RABGAP1L: variants seen among roughly 807,000 people sequenced by gnomAD.
RABGAP1L encodes the protein RAB GTPase activating protein 1 like, also known as rab GTPase-activating protein 1-like.
RABGAP1L carries 63 observed loss-of-function variants against 137.7 expected under a neutral mutation model. The observed-to-expected ratio is 0.46, with a 90% CI of 0.37 to 0.56. RABGAP1L has a LOEUF of 0.56. Among genes scored for constraint, RABGAP1L ranks in the 20% least tolerant of loss-of-function variants. RABGAP1L has a pLI of 0.00. For synonymous variants in RABGAP1L, 431 were observed against 433.7 expected, an observed-to-expected ratio of 0.99 and a Z score of 0.08; for missense variants, 1,095 against 1,244.0, an observed-to-expected ratio of 0.88 and a Z score of 1.80.
intron 12 of RABGAP1L, among the ~76,000 whole-genome samples, chr1:174,385,197 G>A (rs1686655241): frequency 6.6e-6 from 1 of 152,314 alleles, no homozygotes; most frequent in African/African-American, 2.4e-5. Context: ...AGCAGAGGGT[G>A]ACATGTGATC....
intron 13 of RABGAP1L, among the ~76,000 whole-genome samples, chr1:174,616,113 C>G (rs1158621153): frequency 1.3e-5 from 2 of 152,234 alleles, no homozygotes; most frequent in Non-Finnish European, 2.9e-5. Flanking sequence ...CTGGCACTCC[C>G]TAGTGCATGA....
chr1:174,804,018 T>C (rs1689007942), intron 18 of RABGAP1L, among the ~76,000 whole-genome samples: 1 of 151,712 alleles, frequency 6.6e-6, no homozygotes, highest in African/African-American at 2.4e-5. Context: ...GATGCACCAC[T>C]GCACTCCAGC....
chr1:174,474,966 A>C (rs1043343088), intron 13 of RABGAP1L, among the ~76,000 whole-genome samples: 1 of 152,106 alleles, frequency 6.6e-6, no homozygotes, highest in African/African-American at 2.4e-5. Flanking sequence ...ATAAATAAAG[A>C]AATGACATAT....
At chr1:174,349,624 C>T (rs1299946842) in intron 11 of RABGAP1L, among the ~76,000 whole-genome samples, 98 of 137,974 alleles carry the variant, frequency 7.1e-4, no homozygotes, top group African/African-American at 2.1e-3. Flanking sequence ...GGCGGCTGGC[C>T]GGGTGGGGGG....
At chr1:174,475,521 A>G (rs1423037579) in intron 13 of RABGAP1L, among the ~76,000 whole-genome samples, 9 of 152,168 alleles carry the variant, frequency 5.9e-5, no homozygotes, top group Non-Finnish European at 1.3e-4. Context: ...TTAGGGGCAA[A>G]CAATTAAGGT....
chr1:174,987,764 T>C (rs1007998367), intron 24 of RABGAP1L, among the ~76,000 whole-genome samples: 15 of 152,200 alleles, frequency 9.9e-5, no homozygotes, highest in African/African-American at 3.6e-4. Flanking sequence ...TGTTGTTTAG[T>C]GCTGTGTGCC....
intron 19 of RABGAP1L, among the ~76,000 whole-genome samples, chr1:174,863,241 A>AAAAAAAAAAG (rs1553267201): frequency 2.0e-5 from 3 of 148,602 alleles, no homozygotes; most frequent in East Asian, 4.1e-4. Flanking sequence ...AGCAAAAAAA[A>AAAAAAAAAAG]AAAAAAAGAA....
At chr1:174,747,080 GA>G (rs2148664818) in intron 17 of RABGAP1L, among the ~76,000 whole-genome samples, 1 of 152,206 alleles carries the variant, frequency 6.6e-6, no homozygotes, top group East Asian at 1.9e-4. Flanking sequence ...GAGGCATCTT[GA>G]AAATGTATGA....
At chr1:174,417,064 GT>G (rs1306155688) in intron 13 of RABGAP1L, among the ~76,000 whole-genome samples, 3 of 152,058 alleles carry the variant, frequency 2.0e-5, no homozygotes, top group African/African-American at 7.2e-5. Context: ...AATTAGGAAG[GT>G]TTTTGGCATT....
chr1:174,372,164 C>G (rs1011286311), intron 12 of RABGAP1L, among the ~76,000 whole-genome samples: 2 of 151,956 alleles, frequency 1.3e-5, no homozygotes, highest in African/African-American at 4.8e-5. Context: ...TGAATGTCAA[C>G]ATAAAATAAT....
chr1:174,609,000 A>G (rs1670988287), intron 13 of RABGAP1L, among the ~76,000 whole-genome samples: 1 of 152,176 alleles, frequency 6.6e-6, no homozygotes, highest in South Asian at 2.1e-4. Context: ...CTTAACACTT[A>G]TACCGAATTA....
chr1:174,772,733 C>T (rs1263067582), intron 18 of RABGAP1L, among the ~76,000 whole-genome samples: 1 of 152,046 alleles, frequency 6.6e-6, no homozygotes, highest in African/African-American at 2.4e-5. Flanking sequence ...TAAATAGTAA[C>T]TCCCCATTCC....
At chr1:174,255,681 C>A (rs939085454) in intron 7 of RABGAP1L, among the ~76,000 whole-genome samples, 2 of 152,154 alleles carry the variant, frequency 1.3e-5, no homozygotes, top group Non-Finnish European at 2.9e-5. Context: ...TGCCCTACAA[C>A]GCCTGGCTAA....
intron 17 of RABGAP1L, among the ~76,000 whole-genome samples, chr1:174,742,816 A>G (rs889500373): frequency 1.3e-5 from 2 of 152,100 alleles, no homozygotes; most frequent in Admixed American, 1.3e-4. Flanking sequence ...CCAATGGAAC[A>G]TGTGTTTAGG....
At position 174,699,624 on chromosome 1, in the gene RABGAP1L, T is replaced by C; in HGVS notation, c.1999T>C (p.Phe667Leu). 6.2e-7 allele frequency: 1 copy of C among 1,608,320 alleles called. No individual in the cohort carries two copies. Among genetic ancestry groups the C allele is most frequent in the East Asian group, 2.2e-5 (1 of 44,812 alleles). ...RNNFEDLHCK[F>L]YQLERLMQEQ... ...CAACTTCGAAGATCTTCATTGCAAATTCTACCAGTTGGAGAGACTAATGCA... is the reference window on the plus strand; with the variant it reads ...CAACTTCGAAGATCTTCATTGCAAACTCTACCAGTTGGAGAGACTAATGCA... The change falls in exon 16 of 26, where the codon TTC (phenylalanine) becomes CTC (leucine). Residue 667 changes from phenylalanine to leucine, a missense_variant. Transcript: ENST00000681986.
At chr1:174,457,806 C>T (rs1452121552) in intron 13 of RABGAP1L, among the ~76,000 whole-genome samples, 1 of 152,072 alleles carries the variant, frequency 6.6e-6, no homozygotes, top group Non-Finnish European at 1.5e-5. Context: ...TGGCTTTAGG[C>T]ATCTTCTTAG....
At chr1:174,747,616 G>T (rs761023424) in intron 17 of RABGAP1L, among the ~76,000 whole-genome samples, 2 of 151,932 alleles carry the variant, frequency 1.3e-5, no homozygotes, top group South Asian at 2.1e-4. Context: ...CTTGTTTAAA[G>T]AATTTACATA....
At chr1:174,312,087 C>G (rs920689056) in intron 11 of RABGAP1L, among the ~76,000 whole-genome samples, 1 of 152,186 alleles carries the variant, frequency 6.6e-6, no homozygotes, top group Non-Finnish European at 1.5e-5. Flanking sequence ...ACACTGATTT[C>G]CTTTCTTGTT....
intron 13 of RABGAP1L, among the ~76,000 whole-genome samples, chr1:174,514,536 A>G (rs1240715692): frequency 6.6e-6 from 1 of 152,184 alleles, no homozygotes; most frequent in East Asian, 1.9e-4. Flanking sequence ...TACTTGTTTA[A>G]ACGTTGCACT....
Sources: allele counts gnomAD v4.1 joint callset (sites outside exome capture counted in the v4.1 genomes callset), GRCh38; gene constraint gnomAD v4.1.1; transcripts MANE v1.5; gene names NCBI Gene and HGNC (gene_info 2026-07-23, HGNC 2026-07-21).